The following PRELID3B variants were observed in gnomAD, a reference collection of about 807,000 sequenced individuals.
PRELID3B encodes the protein PRELI domain containing 3B, also known as PRELI domain containing protein 3B.
In PRELID3B, 15 loss-of-function variants were observed where a neutral mutation model predicts 24.0. That is an observed-to-expected ratio of 0.63 (90% CI 0.42 to 0.96). The LOEUF (loss-of-function observed/expected upper bound fraction) is 0.96, where lower values mean the gene tolerates loss of function less well. Ranked by LOEUF, PRELID3B falls within the 40% of genes least tolerant of loss-of-function variation. The probability of loss-of-function intolerance (pLI) is 0.00; values close to 1 mark genes in which losing one functional copy is unlikely to be tolerated. For synonymous variants in PRELID3B, 62 were observed against 76.0 expected (o/e 0.82, Z 0.96); for missense variants, 189 against 236.0 (o/e 0.80, Z 1.30).
chr20:59,042,557 C>T (rs1218100667), intron 1 of PRELID3B, 142 bp downstream of exon 1: 3 of 747,658 alleles, frequency 4.0e-6, no homozygotes, highest in Non-Finnish European at 6.1e-6. Context: ...CCCTCCGTGT[C>T]GCCGGGGCCC....
rs371094361 is a variant in PRELID3B at position 59,042,690 on chromosome 20, C to T, written c.32+9G>A. The stretch of plus-strand genomic sequence containing the variant: ...CCCTCCACGGAGCCGACCCGCGCCC[C>T]AAACTTACTCAAAGACGTGCTCCGA... On this transcript the variant is annotated intron_variant, in intron 1 of 5. Coordinates refer to ENST00000355937, the MANE Select transcript of PRELID3B (RefSeq NM_016045.3). 1.0e-5 allele frequency: 16 copies of T among 1,588,742 alleles called. No homozygotes were observed. The East Asian group carries it at 1.8e-4, about 18-fold the overall frequency.
chr20:59,041,997 A>G (rs376879341), intron 1 of PRELID3B, among the ~76,000 whole-genome samples: 2 of 152,242 alleles, frequency 1.3e-5, no homozygotes, highest in Non-Finnish European at 2.9e-5. Flanking sequence ...GTTAGTAAAC[A>G]GTTCACATTA....
rs1432254076 is a variant in PRELID3B, at chr20:59,038,621, T to C, written c.46A>G (p.Thr16Ala). 2.5e-6 allele frequency: 4 copies of C among 1,597,680 alleles called. No homozygotes were observed. The highest frequency in any genetic ancestry group is 2.6e-6 in the Non-Finnish European group (3 of 1,173,544). ...TTCTGCATTGCAGCTGTTGTAACAG[T>C]TTCCCACGGGTGGCTGCCGATGTGA... Reference protein sequence around the residue: ...SEHVFDHPWETVTTAAMQKYP... With the variant: ...SEHVFDHPWEAVTTAAMQKYP... The change falls in exon 2 of 6, where the codon ACT becomes GCT. Residue 16 changes from threonine to alanine, a missense_variant. Coordinates refer to ENST00000355937, the MANE Select transcript of PRELID3B (RefSeq NM_016045.3).
chr20:59,037,696 C>T (rs931683208), intron 2 of PRELID3B, among the ~76,000 whole-genome samples: 1 of 152,236 alleles, frequency 6.6e-6, no homozygotes, highest in Admixed American at 6.5e-5. Flanking sequence ...CTTCATTCTC[C>T]AGACAGAAAA....
rs1204661311 is a variant in PRELID3B at position 59,033,361 on chromosome 20, G to A, written c.*1646C>T. Reference sequence around the variant, plus strand: ...TAGGTCAGTTTTTAAAAAATCAAAGGATAAGGATTTAAAAATATTAGGGCA... The same window carrying A: ...TAGGTCAGTTTTTAAAAAATCAAAGAATAAGGATTTAAAAATATTAGGGCA... On this transcript the variant is annotated 3_prime_UTR_variant, in exon 6 of 6. Coordinates refer to ENST00000355937, the MANE Select transcript of PRELID3B (RefSeq NM_016045.3). The A allele has an allele frequency of 1.3e-5, 2 of 151,968 alleles. No individual in the cohort carries two copies. The highest frequency in any genetic ancestry group is 6.5e-5 in the Admixed American group (1 of 15,268). 9.4% of individuals were successfully genotyped at this position (151,968 alleles called of 1,614,324 possible).
intron 1 of PRELID3B, among the ~76,000 whole-genome samples, chr20:59,039,857 A>G (rs907371312): frequency 2.6e-5 from 4 of 152,184 alleles, no homozygotes; most frequent in Non-Finnish European, 4.4e-5. Context: ...TATTGTACCA[A>G]TGAACCTCAT....
Position 59,034,944 on chromosome 20 carries a change from A to G in PRELID3B, c.*63T>C. 2 of 1,400,446 alleles carry G rather than the reference A, an allele frequency of 1.4e-6. No individual in the cohort carries two copies. Among genetic ancestry groups the G allele is most frequent in the Non-Finnish European group, 1.9e-6 (2 of 1,062,448 alleles). 86.8% of individuals were successfully genotyped at this position (1,400,446 alleles called of 1,614,324 possible). A position where few individuals can be genotyped will look rare whatever the true frequency, so the allele number is the denominator to read the frequency against. Reference sequence around the variant, plus strand: ...ATATAGTTGTATTTTTAAAATAACAAATAAATATATAGTCAGTTTGGAGAG... The same window carrying G: ...ATATAGTTGTATTTTTAAAATAACAGATAAATATATAGTCAGTTTGGAGAG... On this transcript the variant is annotated 3_prime_UTR_variant, in exon 6 of 6. Transcript: ENST00000355937.
At position 59,034,908 on chromosome 20, in the gene PRELID3B, AACTACCC is replaced by A; in HGVS notation, c.*92_*98del. Reference sequence around the variant, plus strand: ...AACTTATCAAAAAAAAAAAAAAAAAAACTACCCAAAATATAGTTGTATTTTTAAAATA... The same window carrying A: ...AACTTATCAAAAAAAAAAAAAAAAAAAAAATATAGTTGTATTTTTAAAATA... On this transcript the variant is annotated 3_prime_UTR_variant, in exon 6 of 6. Transcript: ENST00000355937. 8.8e-7 allele frequency: 1 copy of A among 1,134,858 alleles called. No homozygotes were observed. The highest frequency in any genetic ancestry group is 1.2e-6 in the Non-Finnish European group (1 of 864,228). The allele number at this position is 1,134,858 out of a possible 1,614,324, so 70.3% of individuals were successfully genotyped here.
Position 59,034,794 on chromosome 20 carries a change from ATAG to A in PRELID3B, c.*210_*212del. The A allele has an allele frequency of 2.4e-6, 1 of 411,540 alleles. No individual in the cohort carries two copies. Among genetic ancestry groups the A allele is most frequent in the South Asian group, 7.3e-5 (1 of 13,626 alleles). 25.5% of individuals were successfully genotyped at this position (411,540 alleles called of 1,614,324 possible). On this transcript the variant is annotated 3_prime_UTR_variant, in exon 6 of 6. Coordinates refer to ENST00000355937, the MANE Select transcript of PRELID3B (RefSeq NM_016045.3). ...GAAATACTGGAACCCTCAAAATCAG[ATAG>A]TAATTTCAAACAACATTAATTTCAG...
rs531804206 is a variant in PRELID3B at position 59,040,603 on chromosome 20, A to G, written c.33-1969T>C. ...AAGTGTTGGAAAATCAAAGACAGAT[A>G]AGATGTAGAATGATGACTTAGACAT... On this transcript the variant is annotated intron_variant, in intron 1 of 5. Transcript: ENST00000355937. This position sits in a 1 kb window ranked among gnomAD's most constrained non-coding sequence, Gnocchi z 4.1. Among the ~76,000 whole-genome samples, 8 of 152,358 alleles carry G rather than the reference A, an allele frequency of 5.3e-5. 1 individual carries two copies. The South Asian group carries it at 1.7e-3, about 32-fold the overall frequency.
rs966753812 is a variant in PRELID3B, at chr20:59,040,280, A to ATCT, written c.33-1649_33-1647dup. On this transcript the variant is annotated intron_variant, in intron 1 of 5. Coordinates refer to ENST00000355937, the MANE Select transcript of PRELID3B (RefSeq NM_016045.3). The surrounding 1 kb of genome is among the most constrained non-coding windows in gnomAD (Gnocchi z 4.1). ...ATTATGATTAATCTTCCAGCAATTA[A>ATCT]TCTGAGCTGTATTAACATAATTACG... is the stretch of plus-strand genomic sequence containing the variant. Among the ~76,000 whole-genome samples, 13 of 152,230 alleles carry ATCT rather than the reference A, an allele frequency of 8.5e-5. No individual in the cohort carries two copies. Among genetic ancestry groups the ATCT allele is most frequent in the Non-Finnish European group, 1.8e-4 (12 of 68,042 alleles).
rs2092102369 is a variant in PRELID3B, at chr20:59,040,379, A to C, written c.33-1745T>G. ...AATCAGGAGGACCTGGCTATGGCTC[A>C]CTGACCGGTCCAACTTCTTCACCTT... On this transcript the variant is annotated intron_variant, in intron 1 of 5. Transcript: ENST00000355937. The surrounding 1 kb of genome is among the most constrained non-coding windows in gnomAD (Gnocchi z 4.1). 6.6e-6 allele frequency among the ~76,000 whole-genome samples: 1 copy of C among 152,238 alleles called. No homozygotes were observed. The highest frequency in any genetic ancestry group is 1.5e-5 in the Non-Finnish European group (1 of 68,028).
chr20:59,033,352 AAATC>A lies in PRELID3B; in HGVS notation c.*1651_*1654del, dbSNP rs397841317. 1 of 96,838 alleles carries A rather than the reference AAATC, an allele frequency of 1.0e-5. No individual in the cohort carries two copies. Among genetic ancestry groups the A allele is most frequent in the Non-Finnish European group, 2.4e-5 (1 of 41,134 alleles). The allele number at this position is 96,838 out of a possible 1,614,324, so 6.0% of individuals were successfully genotyped here. On this transcript the variant is annotated 3_prime_UTR_variant, in exon 6 of 6. Transcript: ENST00000355937. ...TTTTATCAATAGGTCAGTTTTTAAA[AAATC>A]AAAGGATAAGGATTTAAAAATATTA... is the stretch of plus-strand genomic sequence containing the variant.
At chr20:59,038,955 TG>T (rs2146393780) in intron 1 of PRELID3B, among the ~76,000 whole-genome samples, 2 of 152,360 alleles carry the variant, frequency 1.3e-5, no homozygotes, top group East Asian at 3.9e-4. Context: ...CAATGATTCA[TG>T]AAAATGTATT....
intron 1 of PRELID3B, among the ~76,000 whole-genome samples, chr20:59,041,424 C>G: frequency 6.6e-6 from 1 of 152,118 alleles, no homozygotes. Flanking sequence ...TAAAAGTTGC[C>G]TTCAGAGGCC....
rs2092101873 is a variant in PRELID3B at position 59,040,300 on chromosome 20, A to G, written c.33-1666T>C. Among the ~76,000 whole-genome samples, 2 of 152,248 alleles carry G rather than the reference A, an allele frequency of 1.3e-5. No homozygotes were observed. Among genetic ancestry groups the G allele is most frequent in the African/African-American group, 4.8e-5 (2 of 41,458 alleles). Reference sequence around the variant, plus strand: ...AATTAATCTGAGCTGTATTAACATAATTACGTGGAAAAGATCTCACAATGG... The same window carrying G: ...AATTAATCTGAGCTGTATTAACATAGTTACGTGGAAAAGATCTCACAATGG... On this transcript the variant is annotated intron_variant, in intron 1 of 5. Coordinates refer to ENST00000355937, the MANE Select transcript of PRELID3B (RefSeq NM_016045.3). This position sits in a 1 kb window ranked among gnomAD's most constrained non-coding sequence, Gnocchi z 4.1.
At chr20:59,037,586 T>C (rs548640475) in intron 2 of PRELID3B, among the ~76,000 whole-genome samples, 16 of 152,206 alleles carry the variant, frequency 1.1e-4, no homozygotes, top group African/African-American at 3.6e-4. Flanking sequence ...GGCTGAGATA[T>C]GGAAATCAGG....
intron 1 of PRELID3B, among the ~76,000 whole-genome samples, chr20:59,042,488 G>A (rs746025562): frequency 1.3e-5 from 2 of 152,216 alleles, no homozygotes; most frequent in African/African-American, 2.4e-5. Context: ...GGCCGCCTGG[G>A]TCTGGAGGTC....
intron 1 of PRELID3B, among the ~76,000 whole-genome samples, chr20:59,039,883 C>T (rs2092099174): frequency 6.6e-6 from 1 of 152,156 alleles, no homozygotes; most frequent in African/African-American, 2.4e-5. Context: ...CTTTAGTCTC[C>T]AGCCTTATCC....
Sources: gnomAD v4.1 joint callset for allele counts (sites outside exome capture counted in the v4.1 genomes callset) on GRCh38, gnomAD v4.1.1 for gene constraint, Gnocchi (gnomAD v3.1) non-coding constraint, MANE v1.5 for transcripts, NCBI Gene and HGNC (gene_info 2026-07-23, HGNC 2026-07-21) for gene names.